The following DAB1 variants were observed in gnomAD, a reference collection of about 807,000 sequenced individuals.
The protein encoded by DAB1 is DAB adaptor protein 1.
In DAB1, 15 loss-of-function variants were observed where a neutral mutation model predicts 64.6. That is an observed-to-expected ratio of 0.23 (90% CI 0.16 to 0.36). The LOEUF (loss-of-function observed/expected upper bound fraction) is 0.36. Ranked by LOEUF, DAB1 falls within the 10% of genes least tolerant of loss-of-function variation. DAB1 has a pLI of 1.00. For missense variants in DAB1, 596 were observed against 706.7 expected (o/e 0.84, Z 1.78); for synonymous variants, 235 against 251.9 (o/e 0.93, Z 0.64).
intron 4 of DAB1, among the ~76,000 whole-genome samples, chr1:57,106,874 A>C (rs1049229030): frequency 6.6e-6 from 1 of 152,188 alleles, no homozygotes; most frequent in Non-Finnish European, 1.5e-5. Context: ...CATTATAAAA[A>C]AATAAAAACA....
chr1:57,912,980 G>A (rs1644670002), intron 5 of DAB1, among the ~76,000 whole-genome samples: 1 of 152,142 alleles, frequency 6.6e-6, no homozygotes, highest in Non-Finnish European at 1.5e-5. Flanking sequence ...CATGCTCATG[G>A]GTAGGAAGAA....
chr1:58,262,859 C>A (rs1381908518), intron 4 of DAB1, among the ~76,000 whole-genome samples: 1 of 152,206 alleles, frequency 6.6e-6, no homozygotes, highest in Non-Finnish European at 1.5e-5. Flanking sequence ...TTACCATTTT[C>A]TCTTCCCTCT....
At chr1:57,651,409 A>G (rs978067627) in intron 6 of DAB1, among the ~76,000 whole-genome samples, 1 of 152,196 alleles carries the variant, frequency 6.6e-6, no homozygotes, top group Non-Finnish European at 1.5e-5. Context: ...TGTTCAAGGG[A>G]AAAAAAGTTA....
chr1:57,072,556 A>T, intron 4 of DAB1, 142 bp from the exon 5 acceptor site: 1 of 767,748 alleles, frequency 1.3e-6, no homozygotes, highest in Non-Finnish European at 2.0e-6. Flanking sequence ...AAAGAAAAAG[A>T]GCTATGCCTG....
In DAB1 at chr1:57,379,136, C is replaced by T. The variant is rs116642258; in HGVS notation, c.-137+44794G>A. 8.8e-3 allele frequency among the ~76,000 whole-genome samples: 1,337 copies of T among 151,968 alleles called. 15 individuals carry two copies. Among genetic ancestry groups the T allele is most frequent in the African/African-American group, 0.03 (1,247 of 41,466 alleles). On this transcript the variant is annotated intron_variant, in intron 1 of 14. Transcript: ENST00000371236. Reference sequence around the variant, plus strand: ...AGAGTTCCTAAAGATTAGAAAGAAGCGGGTAGTAAGGAGGGGCTACCAGCT... The same window carrying T: ...AGAGTTCCTAAAGATTAGAAAGAAGTGGGTAGTAAGGAGGGGCTACCAGCT...
rs1445576232 is a variant in DAB1, at chr1:58,126,979, TG to T, written n.387+23531del. 3.3e-5 allele frequency among the ~76,000 whole-genome samples: 5 copies of T among 149,620 alleles called. No individual in the cohort carries two copies. In the East Asian group the frequency reaches 1.0e-3, roughly 30 times the overall value. The stretch of plus-strand genomic sequence containing the variant: ...AGTCATTTGGGTATATACCCAGTAA[TG>T]GGATGGCTGGGTCAAATGGTATTTC... On this transcript the variant is annotated intron_variant and non_coding_transcript_variant, in intron 5 of 20. Coordinates refer to the DAB1 transcript ENST00000485760.
intron 7 of DAB1, among the ~76,000 whole-genome samples, chr1:57,523,414 T>G (rs930223364): frequency 6.6e-6 from 1 of 152,246 alleles, no homozygotes; most frequent in Admixed American, 6.5e-5. Context: ...TTGCATAGTT[T>G]CTAATCAGCT....
intron 6 of DAB1, among the ~76,000 whole-genome samples, chr1:57,772,264 C>T (rs1649595719): frequency 6.6e-6 from 1 of 152,126 alleles, no homozygotes; most frequent in African/African-American, 2.4e-5. Flanking sequence ...CAGACCCTTG[C>T]ATCTCAATTT....
chr1:57,623,684 C>T (rs1264876788), intron 7 of DAB1, among the ~76,000 whole-genome samples: 1 of 152,096 alleles, frequency 6.6e-6, no homozygotes, highest in Non-Finnish European at 1.5e-5. Flanking sequence ...GCTTCTGTGG[C>T]CGGTCTGCAA....
intron 4 of DAB1, among the ~76,000 whole-genome samples, chr1:58,212,058 C>T (rs982001654): frequency 4.6e-5 from 7 of 152,154 alleles, no homozygotes; most frequent in African/African-American, 1.2e-4. Context: ...CACTGTGTGG[C>T]TCAATAAAGG....
intron 7 of DAB1, among the ~76,000 whole-genome samples, chr1:57,461,465 C>T (rs1411041637): frequency 6.6e-6 from 1 of 152,188 alleles, no homozygotes; most frequent in African/African-American, 2.4e-5. Context: ...ACCCCTCCTC[C>T]CTCCATCTGA....
intron 2 of DAB1, among the ~76,000 whole-genome samples, chr1:57,232,440 C>T (rs1348223679): frequency 1.3e-5 from 2 of 151,972 alleles, no homozygotes; most frequent in Non-Finnish European, 2.9e-5. Context: ...GCAACTACTA[C>T]CTGAAGGATA....
chr1:57,957,379 T>G (rs1645416897), intron 5 of DAB1, among the ~76,000 whole-genome samples: 1 of 152,172 alleles, frequency 6.6e-6, no homozygotes, highest in East Asian at 1.9e-4. Context: ...AGTTGACATT[T>G]GTTAAGGCAG....
At chr1:58,383,795 G>A (rs1318047558) in intron 3 of DAB1, among the ~76,000 whole-genome samples, 2 of 152,124 alleles carry the variant, frequency 1.3e-5, no homozygotes, top group Admixed American at 1.3e-4. Context: ...TGAGCACACG[G>A]GTTGTTTCCA....
At chr1:57,736,749 C>G (rs988088186) in intron 6 of DAB1, among the ~76,000 whole-genome samples, 1 of 152,114 alleles carries the variant, frequency 6.6e-6, no homozygotes, top group Non-Finnish European at 1.5e-5. Flanking sequence ...CCATCCTTCC[C>G]TCCCTCTCTC....
chr1:57,755,139 C>T (rs1648745805), intron 6 of DAB1, among the ~76,000 whole-genome samples: 1 of 152,092 alleles, frequency 6.6e-6, no homozygotes, highest in Non-Finnish European at 1.5e-5. Flanking sequence ...TTTCTCTCCT[C>T]CTCTTTCAAA....
rs1456493226 is a variant in DAB1 at position 57,273,596 on chromosome 1, TTCCTTCCTTCCTTCCTTCCCTCCCTCCC to T, written c.67+17340_67+17367del. 8.9e-3 allele frequency among the ~76,000 whole-genome samples: 1,041 copies of T among 116,618 alleles called. 8 individuals are homozygous for T. The highest frequency in any genetic ancestry group is 0.035 in the African/African-American group (946 of 27,048). The allele number at this position is 116,618 out of a possible 152,430, so 76.5% of individuals were successfully genotyped here. On this transcript the variant is annotated intron_variant, in intron 2 of 14. Transcript: ENST00000371236. ...CTTCCTTCCTTCCTTCCTTCCTTCCTTCCTTCCTTCCTTCCTTCCCTCCCTCCCTCCCTCCCTCCCTCCCTCCCTCCCT... is the reference window on the plus strand; with the variant it reads ...CTTCCTTCCTTCCTTCCTTCCTTCCTTCCCTCCCTCCCTCCCTCCCTCCCT...
At chr1:58,022,009 G>T (rs1646822008) in intron 5 of DAB1, among the ~76,000 whole-genome samples, 1 of 152,158 alleles carries the variant, frequency 6.6e-6, no homozygotes, top group South Asian at 2.1e-4. Context: ...CTAAGGAGTT[G>T]GCAGAAGGCC....
intron 7 of DAB1, among the ~76,000 whole-genome samples, chr1:57,449,384 C>CTTT (rs11418578): frequency 5.0e-5 from 7 of 139,610 alleles, no homozygotes; most frequent in African/African-American, 8.0e-5. Context: ...TGTCTATCTG[C>CTTT]TTTTTTTTTT....
Sources: gnomAD v4.1 joint callset for allele counts (sites outside exome capture counted in the v4.1 genomes callset) on GRCh38, gnomAD v4.1.1 for gene constraint, MANE v1.5 for transcripts, NCBI Gene and HGNC (gene_info 2026-07-23, HGNC 2026-07-21) for gene names.